The following SMURF1 variants were observed in gnomAD, a reference collection of about 807,000 sequenced individuals.
SMURF1 encodes the protein E3 ubiquitin-protein ligase SMURF1.
Under a neutral mutation model 98.0 loss-of-function variants are expected in SMURF1, and 44 were observed. That is an observed-to-expected ratio of 0.45 (90% CI 0.35 to 0.58). SMURF1 has a LOEUF of 0.58. SMURF1 is among the 20% of genes least tolerant of loss of function. The pLI, the probability that SMURF1 is intolerant of heterozygous loss-of-function variation, is 0.00. For synonymous variants in SMURF1, 396 were observed against 374.9 expected (o/e 1.06, Z -0.65); for missense variants, 687 against 938.4 (o/e 0.73, Z 3.50).
chr7:99,085,108 T>C (rs1346099649), intron 1 of SMURF1, among the ~76,000 whole-genome samples: 2 of 151,956 alleles, frequency 1.3e-5, no homozygotes, highest in African/African-American at 4.8e-5. Context: ...CCCAGCACTT[T>C]GGGAGGCCGA....
rs1172346052 is a variant in SMURF1 at position 99,091,278 on chromosome 7, A to G, written c.56-29441T>C. ...ATGCGGATCTGAAACACACACACAC[A>G]ATTTGGTAAAATTCATGCAATGCAT... On this transcript the variant is annotated intron_variant, in intron 1 of 17. Coordinates refer to ENST00000361368, the MANE Select transcript of SMURF1 (RefSeq NM_181349.3). Among the ~76,000 whole-genome samples, 3 of 152,220 alleles carry G rather than the reference A, an allele frequency of 2.0e-5. No individual in the cohort carries two copies. The East Asian group carries it at 5.8e-4, about 29-fold the overall frequency.
At chr7:99,032,785 C>T in intron 17 of SMURF1, 1 of 515,950 alleles carries the variant, frequency 1.9e-6, no homozygotes, top group Non-Finnish European at 3.5e-6. Flanking sequence ...TATTTTTTTA[C>T]ATGGCCAGTA....
chr7:99,052,155 C>A, intron 7 of SMURF1, 50 bp downstream of exon 7: 2 of 1,463,562 alleles, frequency 1.4e-6, no homozygotes, highest in South Asian at 3.2e-5. Flanking sequence ...AAAGTCAACT[C>A]ATGGAAACAG....
At chr7:99,058,992 G>A (rs572774344) in intron 3 of SMURF1, among the ~76,000 whole-genome samples, 8 of 152,332 alleles carry the variant, frequency 5.3e-5, no homozygotes, top group Admixed American at 2.6e-4. Flanking sequence ...GCTGAAGATC[G>A]AGAATCGCTT....
intron 2 of SMURF1, among the ~76,000 whole-genome samples, chr7:99,061,593 C>T (rs963689129): frequency 2.6e-5 from 4 of 152,014 alleles, no homozygotes; most frequent in Admixed American, 1.3e-4. Context: ...ACAGGTTTTG[C>T]GGTATGATTT....
At chr7:99,063,067 G>A (rs1252923860) in intron 1 of SMURF1, among the ~76,000 whole-genome samples, 1 of 150,634 alleles carries the variant, frequency 6.6e-6, no homozygotes, top group East Asian at 2.0e-4. Context: ...AGAATATTAT[G>A]TTTTATTAAG....
intron 1 of SMURF1, among the ~76,000 whole-genome samples, chr7:99,133,383 A>C (rs1797915595): frequency 6.6e-6 from 1 of 151,988 alleles, no homozygotes; most frequent in African/African-American, 2.4e-5. Flanking sequence ...TTACTTCAAA[A>C]TTAAAAAAGA....
chr7:99,074,551 C>T (rs1008553515), intron 1 of SMURF1, among the ~76,000 whole-genome samples: 10 of 152,008 alleles, frequency 6.6e-5, no homozygotes, highest in Admixed American at 6.5e-4. Context: ...AAAAATTGGC[C>T]TCAAACGGAG....
intron 17 of SMURF1, 137 bp downstream of exon 17, chr7:99,032,900 T>C: frequency 9.7e-7 from 1 of 1,033,134 alleles, no homozygotes; most frequent in African/African-American, 1.6e-5. Flanking sequence ...TCAGGTGCTG[T>C]GGCTTTTGAG....
intron 1 of SMURF1, among the ~76,000 whole-genome samples, chr7:99,068,609 C>T (rs1796251209): frequency 6.6e-6 from 1 of 152,148 alleles, no homozygotes; most frequent in African/African-American, 2.4e-5. Context: ...CCAGATCAAT[C>T]TTTTGAATGC....
intron 14 of SMURF1, 45 bp downstream of exon 14, chr7:99,038,343 C>G: frequency 6.2e-7 from 1 of 1,603,412 alleles, no homozygotes; most frequent in Non-Finnish European, 8.5e-7. Context: ...AATGCAGGCT[C>G]AGCCGCGCCC....
chr7:99,074,319 G>C (rs1437145322), intron 1 of SMURF1, among the ~76,000 whole-genome samples: 3 of 152,260 alleles, frequency 2.0e-5, no homozygotes, highest in East Asian at 1.9e-4. Context: ...TGTACACTCA[G>C]ATATTTATAA....
rs182649046 is a variant in SMURF1, at chr7:99,048,314, G to A, written c.954-432C>T. 2.8e-3 allele frequency: 475 copies of A among 172,000 alleles called. 3 individuals are homozygous for A. Among genetic ancestry groups the A allele is most frequent in the Non-Finnish European group, 4.2e-3 (331 of 79,230 alleles). The allele number at this position is 172,000 out of a possible 1,614,324, so 10.7% of individuals were successfully genotyped here. ...TGAGACAGGGAAATCGCTTGAACCCGGGAGGCAGAGGTTGCAGTGAGCTGA... is the reference window on the plus strand; with the variant it reads ...TGAGACAGGGAAATCGCTTGAACCCAGGAGGCAGAGGTTGCAGTGAGCTGA... On this transcript the variant is annotated intron_variant, in intron 9 of 17. Transcript: ENST00000361368.
At position 99,129,860 on chromosome 7, in the gene SMURF1, C is replaced by T. The variant is rs145858917; in HGVS notation, c.55+13866G>A. Among the ~76,000 whole-genome samples, 576 of 152,236 alleles carry T rather than the reference C, an allele frequency of 3.8e-3. 4 individuals carry two copies. The highest frequency in any genetic ancestry group is 0.013 in the African/African-American group (542 of 41,542). ...CCTGGAACACAGGTTCGAACTTCAGCGAAGCATCTTACAAAAACTTTTTTT... is the reference window on the plus strand; with the variant it reads ...CCTGGAACACAGGTTCGAACTTCAGTGAAGCATCTTACAAAAACTTTTTTT... On this transcript the variant is annotated intron_variant, in intron 1 of 17. Coordinates refer to ENST00000361368, the MANE Select transcript of SMURF1 (RefSeq NM_181349.3).
chr7:99,096,865 G>A (rs890323747), intron 1 of SMURF1, among the ~76,000 whole-genome samples: 2 of 152,138 alleles, frequency 1.3e-5, no homozygotes, highest in South Asian at 2.1e-4. Context: ...TTCTTTTCAA[G>A]TACAAAATGG....
chr7:99,034,221 C>T (rs1342611341), intron 16 of SMURF1, among the ~76,000 whole-genome samples: 5 of 152,188 alleles, frequency 3.3e-5, no homozygotes, highest in Non-Finnish European at 4.4e-5. Flanking sequence ...CCACTCTGCC[C>T]GGGCCACCAT....
intron 1 of SMURF1, among the ~76,000 whole-genome samples, chr7:99,074,750 C>T (rs1318293765): frequency 6.6e-6 from 1 of 152,126 alleles, no homozygotes; most frequent in Non-Finnish European, 1.5e-5. Context: ...TGATATTTGG[C>T]TGAGCACAGC....
intron 14 of SMURF1, 21 bp downstream of exon 14, chr7:99,038,367 G>A (rs751670235): frequency 1.4e-5 from 23 of 1,612,064 alleles, no homozygotes; most frequent in African/African-American, 4.0e-5. Context: ...GCACCTGGCC[G>A]TCCCCGACAG....
chr7:99,031,634 C>T (rs1794892791), intron 17 of SMURF1, among the ~76,000 whole-genome samples: 2 of 152,200 alleles, frequency 1.3e-5, no homozygotes, highest in South Asian at 2.1e-4. Context: ...GGTGCGTTCC[C>T]GTAATGGACG....
Sources: gnomAD v4.1 joint callset for allele counts (sites outside exome capture counted in the v4.1 genomes callset) on GRCh38, gnomAD v4.1.1 for gene constraint, MANE v1.5 for transcripts, NCBI Gene and HGNC (gene_info 2026-07-23, HGNC 2026-07-21) for gene names.